CACNB2: variants seen among roughly 807,000 people sequenced by gnomAD.
The protein encoded by CACNB2 is calcium voltage-gated channel auxiliary subunit beta 2.
In CACNB2, 42 loss-of-function variants were observed where a neutral mutation model predicts 73.3. The ratio of observed to expected loss-of-function variants is 0.57; its 90% CI spans 0.45 to 0.74. CACNB2 has a LOEUF of 0.74. CACNB2 is among the 30% of genes least tolerant of loss of function. The pLI, the probability that CACNB2 is intolerant of heterozygous loss-of-function variation, is 0.00. For synonymous variants in CACNB2, 348 were observed against 310.3 expected, an observed-to-expected ratio of 1.12 and a Z score of -1.28; for missense variants, 940 against 853.0, an observed-to-expected ratio of 1.10 and a Z score of -1.27.
chr10:18,525,924 T>C (rs2052424132), intron 9 of CACNB2, among the ~76,000 whole-genome samples: 1 of 152,248 alleles, frequency 6.6e-6, no homozygotes, highest in Non-Finnish European at 1.5e-5. Context: ...TAGAAATTTG[T>C]TCTAGTCTCA....
chr10:18,364,242 C>T (rs1057306033), intron 2 of CACNB2, among the ~76,000 whole-genome samples: 1 of 151,280 alleles, frequency 6.6e-6, no homozygotes, highest in Non-Finnish European at 1.5e-5. Context: ...GCATGAGCCG[C>T]GGTGCCTGCC....
chr10:18,269,921 C>A (rs993414273), intron 2 of CACNB2, among the ~76,000 whole-genome samples: 4 of 152,166 alleles, frequency 2.6e-5, no homozygotes, highest in African/African-American at 9.7e-5. Flanking sequence ...ATTGCTACTT[C>A]CTTGAGAGCT....
chr10:18,468,427 T>C (rs931035092), intron 3 of CACNB2, among the ~76,000 whole-genome samples: 5 of 151,816 alleles, frequency 3.3e-5, no homozygotes, highest in African/African-American at 1.2e-4. Flanking sequence ...CACCACTGCA[T>C]TCCAGCCTGG....
At chr10:18,187,393 A>G (rs1779241) in intron 2 of CACNB2, among the ~76,000 whole-genome samples, 140,902 of 152,164 alleles carry the variant, frequency 0.93, 65,308 homozygotes, top group African/African-American at 0.97. Flanking sequence ...TGCACTATGC[A>G]TTAGATTTTG....
At chr10:18,485,793 G>C (rs7076562) in intron 3 of CACNB2, among the ~76,000 whole-genome samples, 67,260 of 151,446 alleles carry the variant, frequency 0.44, 15,141 homozygotes, top group East Asian at 0.53. Context: ...ATGTTGGCCA[G>C]GCTGCTCTCG....
intron 2 of CACNB2, among the ~76,000 whole-genome samples, chr10:18,219,709 A>G (rs984722457): frequency 1.3e-5 from 2 of 151,860 alleles, no homozygotes; most frequent in African/African-American, 4.8e-5. Context: ...CCTCAACTTC[A>G]ATAGCTTCCA....
chr10:18,340,491 T>TAAC (rs879859742), intron 2 of CACNB2, among the ~76,000 whole-genome samples: 12 of 152,328 alleles, frequency 7.9e-5, no homozygotes, highest in Admixed American at 3.9e-4. Context: ...GCTTATCCAG[T>TAAC]TATGCAACCT....
Position 18,539,364 on chromosome 10 carries a change from T to C in CACNB2, c.1623T>C (p.His541=). 6.2e-7 allele frequency: 1 copy of C among 1,613,886 alleles called. No homozygotes were observed. Among genetic ancestry groups the C allele is most frequent in the South Asian group, 1.1e-5 (1 of 91,042 alleles). The change falls in exon 14 of 14, where the codon CAT becomes CAC. Residue 541 remains histidine (H), a synonymous_variant. Transcript: ENST00000324631. ...CCTCCTCAGCCCCACACCACAACCA[T>C]CGCAGTGGGACAAGTCGCGGCCTCT... ...RSSSSAPHHN[H]RSGTSRGLSR...
At chr10:18,220,927 G>A (rs1240245404) in intron 2 of CACNB2, among the ~76,000 whole-genome samples, 23 of 152,148 alleles carry the variant, frequency 1.5e-4, no homozygotes, top group Admixed American at 1.4e-3. Context: ...AAAAGTTTGG[G>A]GACCACTAAT....
At chr10:18,335,762 C>T (rs2040977042) in intron 2 of CACNB2, among the ~76,000 whole-genome samples, 1 of 91,222 alleles carries the variant, frequency 1.1e-5, no homozygotes, top group Admixed American at 1.0e-4. Context: ...AAATATCTCT[C>T]AGTCTTGTTT....
chr10:18,344,202 A>G lies in CACNB2; in HGVS notation c.214-57722A>G, dbSNP rs373134587. ...GTATTTAAATGTAAGTATAATGTCC[A>G]TAAGGCCTGGTGGCTAATGTATGTA... On this transcript the variant is annotated intron_variant, in intron 2 of 13. Coordinates refer to ENST00000324631, the MANE Select transcript of CACNB2 (RefSeq NM_201596.3). 1.2e-4 allele frequency among the ~76,000 whole-genome samples: 18 copies of G among 152,286 alleles called. No homozygotes were observed. The South Asian group carries it at 1.5e-3, about 12-fold the overall frequency.
rs750465587 is a variant in CACNB2, at chr10:18,534,122, A to C, written c.1101A>C (p.Thr367=). The change falls in exon 11 of 14, where the codon ACA becomes ACC. Residue 367 remains threonine (T), a synonymous_variant. Transcript: ENST00000324631. Reference sequence around the variant, plus strand: ...AAAGGATTTTTGAACTTGCAAGAACATTGCAGTTGGTGGTCCTTGACGCGG... The same window carrying C: ...AAAGGATTTTTGAACTTGCAAGAACCTTGCAGTTGGTGGTCCTTGACGCGG... The part of the protein sequence containing the change: ...EIERIFELAR[T]LQLVVLDADT... 6.2e-7 allele frequency: 1 copy of C among 1,614,010 alleles called. No individual in the cohort carries two copies. Among genetic ancestry groups the C allele is most frequent in the Non-Finnish European group, 8.5e-7 (1 of 1,179,876 alleles).
intron 2 of CACNB2, among the ~76,000 whole-genome samples, chr10:18,323,257 C>A (rs1306955722): frequency 6.6e-6 from 1 of 152,024 alleles, no homozygotes; most frequent in South Asian, 2.1e-4. Flanking sequence ...CTGCTCCTGG[C>A]CTCTCCTTGT....
chr10:18,167,584 C>T (rs1048773783), intron 2 of CACNB2, among the ~76,000 whole-genome samples: 9 of 152,106 alleles, frequency 5.9e-5, no homozygotes, highest in African/African-American at 2.2e-4. Flanking sequence ...CAGAAATGCT[C>T]GCATCGACTG....
chr10:18,180,404 G>T (rs1341260885), intron 2 of CACNB2, among the ~76,000 whole-genome samples: 1 of 151,366 alleles, frequency 6.6e-6, no homozygotes, highest in Admixed American at 6.6e-5. Flanking sequence ...TTTCTTTTAC[G>T]TCAGGCAGGA....
chr10:18,346,577 T>C (rs1250987897), intron 2 of CACNB2, among the ~76,000 whole-genome samples: 1 of 151,984 alleles, frequency 6.6e-6, no homozygotes, highest in Non-Finnish European at 1.5e-5. Flanking sequence ...GCTTTGTTAA[T>C]GTTAGTGGCT....
At chr10:18,410,173 T>C (rs2044539197) in intron 3 of CACNB2, among the ~76,000 whole-genome samples, 1 of 152,186 alleles carries the variant, frequency 6.6e-6, no homozygotes. Flanking sequence ...GGTACTCTTA[T>C]TCTAACACTT....
chr10:18,198,069 T>C (rs1448887579), intron 2 of CACNB2, among the ~76,000 whole-genome samples: 2 of 148,032 alleles, frequency 1.4e-5, no homozygotes, highest in Admixed American at 1.4e-4. Flanking sequence ...AATGTTAATG[T>C]ATGTAACATA....
intron 3 of CACNB2, among the ~76,000 whole-genome samples, chr10:18,406,311 G>C (rs1026119768): frequency 6.6e-6 from 1 of 152,186 alleles, no homozygotes; most frequent in Non-Finnish European, 1.5e-5. Context: ...GGAGGAGGTA[G>C]TGGCTTAAAA....
Sources: allele counts gnomAD v4.1 joint callset (sites outside exome capture counted in the v4.1 genomes callset), GRCh38; gene constraint gnomAD v4.1.1; transcripts MANE v1.5; gene names NCBI Gene and HGNC (gene_info 2026-07-23, HGNC 2026-07-21).